The following FCHSD2 variants were observed in gnomAD, a reference collection of about 807,000 sequenced individuals.
The protein encoded by FCHSD2 is FCH and double SH3 domains 2.
Under a neutral mutation model 108.1 loss-of-function variants are expected in FCHSD2, and 38 were observed. That is an observed-to-expected ratio of 0.35 (90% CI 0.27 to 0.46). FCHSD2 has a LOEUF of 0.46. FCHSD2 is among the 20% of genes least tolerant of loss of function. The pLI is 1.00. For synonymous variants in FCHSD2, 279 were observed against 314.7 expected, an observed-to-expected ratio of 0.89 and a Z score of 1.20; for missense variants, 751 against 897.8, an observed-to-expected ratio of 0.84 and a Z score of 2.09.
intron 3 of FCHSD2, among the ~76,000 whole-genome samples, chr11:73,082,472 T>C (rs1312921640): frequency 1.3e-5 from 2 of 151,868 alleles, no homozygotes; most frequent in Admixed American, 6.6e-5. Flanking sequence ...ATGAATTAAT[T>C]AGTTCTGTCT....
chr11:72,999,357 T>A (rs1022259468), intron 5 of FCHSD2, among the ~76,000 whole-genome samples: 3 of 148,834 alleles, frequency 2.0e-5, no homozygotes, highest in African/African-American at 7.5e-5. Flanking sequence ...TCTCACTCTG[T>A]CACCCAGGCT....
At chr11:72,910,442 G>C (rs1331832918) in intron 9 of FCHSD2, among the ~76,000 whole-genome samples, 1 of 152,196 alleles carries the variant, frequency 6.6e-6, no homozygotes, top group Non-Finnish European at 1.5e-5. Flanking sequence ...TGTGTAGAAA[G>C]AAGTAGACAT....
chr11:73,030,287 A>C (rs771922964), intron 3 of FCHSD2, among the ~76,000 whole-genome samples: 1 of 152,164 alleles, frequency 6.6e-6, no homozygotes, highest in Non-Finnish European at 1.5e-5. Flanking sequence ...ACTAGCATAG[A>C]TTCTAGAAGT....
intron 5 of FCHSD2, among the ~76,000 whole-genome samples, chr11:72,994,844 G>A (rs1857491492): frequency 6.6e-6 from 1 of 152,100 alleles, no homozygotes; most frequent in Admixed American, 6.6e-5. Flanking sequence ...TTAAAAAATT[G>A]ACATATAATT....
Position 72,985,112 on chromosome 11 carries a change from T to C in FCHSD2, c.526A>G (p.Lys176Glu). ...ATTCTTGATTGAAAAAGACTAAGTT[T>C]AGATCTATAATAAAAATAGAAAAGT... ...REKADIEAKS[K>E]LSLFQSRISL... Residue 176 changes from lysine (K) to glutamate (E), a missense_variant, in exon 7 of 20, where the codon AAA becomes GAA. Transcript: ENST00000409418. The C allele has an allele frequency of 1.8e-6, 2 of 1,097,292 alleles. No individual in the cohort carries two copies. Among genetic ancestry groups the C allele is most frequent in the Non-Finnish European group, 2.7e-6 (2 of 749,156 alleles). 68.0% of individuals were successfully genotyped at this position (1,097,292 alleles called of 1,614,324 possible).
At chr11:73,069,448 T>TACATATATACAC (rs1462731686) in intron 3 of FCHSD2, among the ~76,000 whole-genome samples, 1 of 147,638 alleles carries the variant, frequency 6.8e-6, no homozygotes, top group Non-Finnish European at 1.5e-5. Flanking sequence ...CATATATACA[T>TACATATATACAC]ACATACATAT....
chr11:72,985,161 A>G (rs756247499), intron 6 of FCHSD2, 45 bp from the exon 7 acceptor site: 2 of 526,408 alleles, frequency 3.8e-6, no homozygotes, highest in South Asian at 6.5e-5. Context: ...TCATCTAATT[A>G]TATCACAATA....
At chr11:72,959,220 CTTTTTTTT>C (rs11408216) in intron 8 of FCHSD2, among the ~76,000 whole-genome samples, 3 of 56,292 alleles carry the variant, frequency 5.3e-5, no homozygotes, top group East Asian at 7.5e-4. Flanking sequence ...ATCCAGCAGT[CTTTTTTTT>C]TTTTTTTTTT....
intron 3 of FCHSD2, among the ~76,000 whole-genome samples, chr11:73,083,360 C>A (rs1160568386): frequency 6.6e-6 from 1 of 152,022 alleles, no homozygotes; most frequent in Non-Finnish European, 1.5e-5. Context: ...ACCATCCCGG[C>A]CAACATGGTG....
intron 9 of FCHSD2, among the ~76,000 whole-genome samples, chr11:72,907,601 T>TTG (rs1565316238): frequency 1.4e-5 from 2 of 143,038 alleles, no homozygotes; most frequent in African/African-American, 5.3e-5. Flanking sequence ...TCACGTGGGT[T>TTG]TTTTTTTTTT....
intron 8 of FCHSD2, among the ~76,000 whole-genome samples, chr11:72,956,350 T>A (rs1389617494): frequency 6.6e-6 from 1 of 151,852 alleles, no homozygotes; most frequent in Non-Finnish European, 1.5e-5. Flanking sequence ...TTCAGGAGGG[T>A]TTCATCAAAG....
intron 3 of FCHSD2, among the ~76,000 whole-genome samples, chr11:73,068,559 T>C (rs960382179): frequency 6.6e-6 from 1 of 151,934 alleles, no homozygotes; most frequent in Non-Finnish European, 1.5e-5. Context: ...TGAACTAAAA[T>C]TAGATTCCTT....
At chr11:72,846,543 T>C (rs1861149325) in intron 14 of FCHSD2, among the ~76,000 whole-genome samples, 1 of 152,180 alleles carries the variant, frequency 6.6e-6, no homozygotes, top group South Asian at 2.1e-4. Context: ...GATGCTCTAA[T>C]GAGTTTGTCC....
At chr11:72,953,561 C>T (rs537759209) in intron 8 of FCHSD2, among the ~76,000 whole-genome samples, 1 of 151,434 alleles carries the variant, frequency 6.6e-6, no homozygotes, top group Admixed American at 6.6e-5. Context: ...AGTCACTCAA[C>T]AAAATATTTA....
intron 3 of FCHSD2, among the ~76,000 whole-genome samples, chr11:73,058,767 C>T (rs1368756020): frequency 6.6e-6 from 1 of 151,754 alleles, no homozygotes. Flanking sequence ...GGGGTTTTAC[C>T]ATGTTGGCCA....
chr11:73,072,232 T>A (rs1189923897), intron 3 of FCHSD2, among the ~76,000 whole-genome samples: 1 of 151,486 alleles, frequency 6.6e-6, no homozygotes, highest in Admixed American at 6.6e-5. Context: ...AACAGAAGGT[T>A]TGGGGAGGAA....
At chr11:72,950,428 AT>A (rs781536890) in intron 8 of FCHSD2, among the ~76,000 whole-genome samples, 122 of 146,512 alleles carry the variant, frequency 8.3e-4, no homozygotes, top group East Asian at 7.9e-4. Context: ...ATAGACTTGC[AT>A]TTTTTTTTTC....
rs1405386501 is a variant in FCHSD2, at chr11:72,838,810, A to C, written c.2204T>G (p.Val735Gly). ...HRRPAEKIED[V>G]EITLV ...CCATCATCACACCAGTGTGATTTCC[A>C]CATCTTCAATCTTCTCTGCTGGCCT... Residue 735 changes from valine (V) to glycine (G), a missense_variant, in exon 20 of 20, where the codon GTG (valine) becomes GGG (glycine). Physicochemically the swap from Val to Gly is moderately radical, Grantham distance 109. Transcript: ENST00000409418. 6.2e-7 allele frequency: 1 copy of C among 1,605,594 alleles called. No individual in the cohort carries two copies. The highest frequency in any genetic ancestry group is 2.2e-5 in the East Asian group (1 of 44,802).
chr11:72,934,565 C>T (rs1180114970), intron 8 of FCHSD2, among the ~76,000 whole-genome samples: 1 of 152,078 alleles, frequency 6.6e-6, no homozygotes, highest in Non-Finnish European at 1.5e-5. Flanking sequence ...AACTCCTGAC[C>T]TCAGGTAATC....
Sources: gnomAD v4.1 joint callset for allele counts (sites outside exome capture counted in the v4.1 genomes callset) on GRCh38, gnomAD v4.1.1 for gene constraint, MANE v1.5 for transcripts, NCBI Gene and HGNC (gene_info 2026-07-23, HGNC 2026-07-21) for gene names.